The following ASPRV1 variants were observed in gnomAD, a reference collection of about 807,000 sequenced individuals.
The protein encoded by ASPRV1 is retroviral-like aspartic protease 1.
A neutral mutation model predicts 11.0 loss-of-function variants in ASPRV1; 7 were observed. The ratio of observed to expected loss-of-function variants is 0.64; its 90% CI spans 0.36 to 1.20. The LOEUF (loss-of-function observed/expected upper bound fraction) is 1.20, where lower values mean the gene tolerates loss of function less well. ASPRV1 is among the 50% of genes most tolerant of loss of function. The probability of loss-of-function intolerance (pLI) is 0.02; values close to 1 mark genes in which losing one functional copy is unlikely to be tolerated. For synonymous variants in ASPRV1, 136 were observed against 138.4 expected, an observed-to-expected ratio of 0.98 and a Z score of 0.12; for missense variants, 299 against 320.0, an observed-to-expected ratio of 0.93 and a Z score of 0.50.
At chr2:70,012,765 T>C in the ASPRV1 span, among the ~76,000 whole-genome samples, 2 of 152,210 alleles carry the variant, frequency 1.3e-5, no homozygotes, top group African/African-American at 4.8e-5. Flanking sequence ...ACCTAAGTAC[T>C]GGAAGCACTT....
chr2:70,021,662 T>C, the ASPRV1 span, among the ~76,000 whole-genome samples: 1 of 150,994 alleles, frequency 6.6e-6, no homozygotes. Context: ...ATAGTACCTA[T>C]AGTTAACAAT....
chr2:69,953,464 T>C, the ASPRV1 span, among the ~76,000 whole-genome samples: 1 of 152,216 alleles, frequency 6.6e-6, no homozygotes, highest in African/African-American at 2.4e-5. Flanking sequence ...GCAGCACAAC[T>C]TTGTGGCCGG....
At chr2:69,977,122 G>A in the ASPRV1 span, among the ~76,000 whole-genome samples, 2 of 151,866 alleles carry the variant, frequency 1.3e-5, no homozygotes, top group Non-Finnish European at 2.9e-5. Flanking sequence ...AACATGGGAG[G>A]AGGAGGTTGC....
the ASPRV1 span, chr2:70,056,584 G>A: frequency 4.1e-5 from 4 of 97,476 alleles, no homozygotes; most frequent in Admixed American, 1.8e-4. Context: ...CAGCCTGGGC[G>A]ACAGAGCGAG....
At chr2:69,953,494 G>C in the ASPRV1 span, among the ~76,000 whole-genome samples, 8,097 of 152,320 alleles carry the variant, frequency 0.053, 680 homozygotes, top group African/African-American at 0.18. Context: ...CATGTGCAGG[G>C]ACGCTGGGCA....
chr2:69,941,010 T>C, the ASPRV1 span: 3 of 152,594 alleles, frequency 2.0e-5, no homozygotes, highest in Non-Finnish European at 2.9e-5. Flanking sequence ...TGAAAACCTT[T>C]CTATTAGGGA....
chr2:69,987,541 C>T, the ASPRV1 span, among the ~76,000 whole-genome samples: 2 of 146,858 alleles, frequency 1.4e-5, no homozygotes, highest in African/African-American at 5.1e-5. Flanking sequence ...AGGCCAGGAG[C>T]TCTAGACCAG....
chr2:70,030,765 G>A, the ASPRV1 span: 2 of 152,072 alleles, frequency 1.3e-5, no homozygotes, highest in Non-Finnish European at 2.9e-5. Flanking sequence ...ATACAGAGGG[G>A]ACAGGGACTA....
the ASPRV1 span, among the ~76,000 whole-genome samples, chr2:70,020,631 A>C: frequency 6.6e-6 from 1 of 152,152 alleles, no homozygotes; most frequent in Non-Finnish European, 1.5e-5. Context: ...AATCCCAGCT[A>C]CTTGGGAGGC....
At chr2:70,052,746 T>G in the ASPRV1 span, among the ~76,000 whole-genome samples, 1 of 152,194 alleles carries the variant, frequency 6.6e-6, no homozygotes, top group African/African-American at 2.4e-5. Context: ...GGGATTCCTC[T>G]TATTTCAATA....
the ASPRV1 span, among the ~76,000 whole-genome samples, chr2:70,033,239 G>C: frequency 1.3e-5 from 2 of 148,774 alleles, no homozygotes; most frequent in African/African-American, 5.0e-5. Context: ...CCAGATACAG[G>C]ACTCAGTCCC....
At chr2:69,963,176 G>A (rs755056995), upstream of ASPRV1, 251 of 433,574 alleles carry the variant, frequency 5.8e-4, no homozygotes, top group Non-Finnish European at 9.1e-4. Context: ...CAGTGAGCCA[G>A]CAGAGAGGCA....
chr2:70,000,335 A>C, the ASPRV1 span, among the ~76,000 whole-genome samples: 7,860 of 126,148 alleles, frequency 0.062, 177 homozygotes, highest in East Asian at 0.14. Context: ...AAAAAAAAAA[A>C]CCACACACAC....
the ASPRV1 span, among the ~76,000 whole-genome samples, chr2:69,980,774 T>TTATG: frequency 6.4e-4 from 98 of 152,340 alleles, no homozygotes; most frequent in African/African-American, 2.2e-3. Context: ...ATTTTATTTT[T>TTATG]TATTTACTTA....
At chr2:69,996,621 A>G in the ASPRV1 span, 1 of 436,840 alleles carries the variant, frequency 2.3e-6, no homozygotes, top group Non-Finnish European at 4.6e-6. Flanking sequence ...CATTACTTCT[A>G]TGACACCTGA....
the ASPRV1 span, among the ~76,000 whole-genome samples, chr2:70,001,857 G>A: frequency 5.9e-5 from 9 of 152,086 alleles, no homozygotes; most frequent in Middle Eastern, 3.2e-3. Flanking sequence ...GCAATAAGAA[G>A]GGATTCGTTA....
downstream of ASPRV1, among the ~76,000 whole-genome samples, chr2:69,957,460 T>C (rs1677966087): frequency 6.6e-6 from 1 of 151,198 alleles, no homozygotes; most frequent in Admixed American, 6.6e-5. Context: ...AAGAATTATC[T>C]AGTATGGTCT....
chr2:70,085,795 T>C, the ASPRV1 span: 10 of 152,328 alleles, frequency 6.6e-5, no homozygotes, highest in South Asian at 1.9e-3. Context: ...TTAATTGTGG[T>C]AAACTATTAA....
At chr2:70,001,497 C>T in the ASPRV1 span, among the ~76,000 whole-genome samples, 2 of 152,120 alleles carry the variant, frequency 1.3e-5, no homozygotes, top group African/African-American at 4.8e-5. Flanking sequence ...GTGGTTCACA[C>T]CTATAATCCC....
Sources: allele counts gnomAD v4.1 joint callset (sites outside exome capture counted in the v4.1 genomes callset), GRCh38; gene constraint gnomAD v4.1.1; transcripts MANE v1.5; gene names NCBI Gene and HGNC (gene_info 2026-07-23, HGNC 2026-07-21).